The following MCU variants were observed in gnomAD, a reference collection of about 807,000 sequenced individuals.
MCU encodes the protein mitochondrial calcium uniporter.
A neutral mutation model predicts 45.2 loss-of-function variants in MCU; 12 were observed. The ratio of observed to expected loss-of-function variants is 0.27; its 90% confidence interval spans 0.17 to 0.43. MCU has a LOEUF of 0.43. Among genes scored for constraint, MCU ranks in the 20% least tolerant of loss-of-function variants. The pLI is 1.00. For missense variants in MCU, 324 were observed against 436.7 expected, an observed-to-expected ratio of 0.74 and a Z score of 2.30; for synonymous variants, 160 against 165.1, an observed-to-expected ratio of 0.97 and a Z score of 0.24.
chr10:72,694,730 G>A (rs1842665425), intron 1 of MCU, among the ~76,000 whole-genome samples: 1 of 152,186 alleles, frequency 6.6e-6, no homozygotes, highest in African/African-American at 2.4e-5. Flanking sequence ...CTTTTGTTCC[G>A]CTGTATGGTA....
chr10:72,818,841 C>CAA (rs199955521), intron 1 of MCU, among the ~76,000 whole-genome samples: 74 of 87,880 alleles, frequency 8.4e-4, no homozygotes, highest in African/African-American at 2.1e-3. Flanking sequence ...ACCTCTGTCT[C>CAA]AAAAAAAAAA....
In MCU at chr10:72,885,827, C is replaced by T; in HGVS notation, c.*5C>T. 1 of 1,611,226 alleles carries T rather than the reference C, an allele frequency of 6.2e-7. No homozygotes were observed. ...CAAATTGGTGAAAAAGATTGATCTG[C>T]AAAAAGCCTCTGAATCCTGGCAGAA... On this transcript the variant is annotated 3_prime_UTR_variant, in exon 8 of 8. Coordinates refer to ENST00000373053, the MANE Select transcript of MCU (RefSeq NM_138357.3).
intron 1 of MCU, among the ~76,000 whole-genome samples, chr10:72,747,590 G>C (rs1444231860): frequency 6.6e-6 from 1 of 152,144 alleles, no homozygotes; most frequent in Non-Finnish European, 1.5e-5. Flanking sequence ...CCAACACTTT[G>C]GGAAGCTGAG....
chr10:72,742,022 C>CAA lies in MCU; in HGVS notation c.150+49743_150+49744dup, dbSNP rs59028044. ...TGGGCGACAGAGCAAGACTCCGTCT[C>CAA]AAAAAAAAAAAAAAAAAAAAAAACA... On this transcript the variant is annotated intron_variant, in intron 1 of 7. Transcript: ENST00000373053. Among the ~76,000 whole-genome samples the CAA allele has an allele frequency of 4.9e-3, 352 of 72,574 alleles. 2 individuals carry two copies. The highest frequency in any genetic ancestry group is 0.029 in the East Asian group (39 of 1,334). 47.6% of individuals were successfully genotyped at this position (72,574 alleles called of 152,430 possible).
At chr10:72,828,321 G>A (rs139154949) in intron 1 of MCU, among the ~76,000 whole-genome samples, 25 of 152,302 alleles carry the variant, frequency 1.6e-4, no homozygotes, top group African/African-American at 6.0e-4. Flanking sequence ...TAGATACAGT[G>A]TTCCATCTAA....
chr10:72,840,636 A>G (rs1845034055), intron 2 of MCU, among the ~76,000 whole-genome samples: 1 of 152,342 alleles, frequency 6.6e-6, no homozygotes, highest in Admixed American at 6.5e-5. Flanking sequence ...CAAAAAAGAA[A>G]TGAAGCATTA....
At chr10:72,706,228 T>C (rs568230200) in intron 1 of MCU, among the ~76,000 whole-genome samples, 124 of 152,144 alleles carry the variant, frequency 8.2e-4, no homozygotes, top group African/African-American at 2.8e-3. Flanking sequence ...TATCTTTTTT[T>C]TTTTTTTAAG....
chr10:72,840,834 T>C (rs1391915993), intron 2 of MCU, among the ~76,000 whole-genome samples: 2 of 152,222 alleles, frequency 1.3e-5, no homozygotes, highest in East Asian at 1.9e-4. Flanking sequence ...TTTGAAACTT[T>C]ACCAAAATGT....
At chr10:72,740,559 C>T (rs1843313011) in intron 1 of MCU, among the ~76,000 whole-genome samples, 1 of 152,186 alleles carries the variant, frequency 6.6e-6, no homozygotes, top group South Asian at 2.1e-4. Context: ...ATGTCTTGAA[C>T]AATGAAGCTT....
intron 1 of MCU, among the ~76,000 whole-genome samples, chr10:72,771,934 C>G (rs1051731391): frequency 1.5e-4 from 23 of 152,134 alleles, no homozygotes; most frequent in African/African-American, 5.1e-4. Context: ...CCCATTCTAC[C>G]CAGGACAAAT....
chr10:72,791,185 A>G (rs201635670), intron 1 of MCU, among the ~76,000 whole-genome samples: 43 of 152,330 alleles, frequency 2.8e-4, no homozygotes, highest in African/African-American at 9.9e-4. Flanking sequence ...CAACAATTTC[A>G]AATTAATGAT....
At chr10:72,861,379 A>G (rs1845372583) in intron 4 of MCU, among the ~76,000 whole-genome samples, 1 of 151,968 alleles carries the variant, frequency 6.6e-6, no homozygotes, top group South Asian at 2.1e-4. Flanking sequence ...ACAAATTGTA[A>G]GAGGGCACCA....
intron 1 of MCU, among the ~76,000 whole-genome samples, chr10:72,764,732 A>G (rs2132727234): frequency 6.6e-6 from 1 of 152,294 alleles, no homozygotes; most frequent in South Asian, 2.1e-4. Flanking sequence ...CAGTCTACTC[A>G]GAGTAACTAA....
intron 1 of MCU, among the ~76,000 whole-genome samples, chr10:72,806,415 C>T (rs138272351): frequency 1.2e-4 from 19 of 152,294 alleles, no homozygotes; most frequent in African/African-American, 4.3e-4. Context: ...CCATCTTGGC[C>T]TCCCAAAGTG....
At chr10:72,780,200 A>G (rs1843968056) in intron 1 of MCU, among the ~76,000 whole-genome samples, 1 of 152,142 alleles carries the variant, frequency 6.6e-6, no homozygotes, top group Non-Finnish European at 1.5e-5. Context: ...ATTTGTTTGA[A>G]ATGTCCAGAA....
chr10:72,808,551 C>T (rs1844489796), intron 1 of MCU, among the ~76,000 whole-genome samples: 2 of 152,118 alleles, frequency 1.3e-5, no homozygotes, highest in South Asian at 4.1e-4. Context: ...CCTTTCAGTA[C>T]CTTGAGGGAG....
chr10:72,722,821 A>T (rs1589432453), intron 1 of MCU, among the ~76,000 whole-genome samples: 1 of 152,336 alleles, frequency 6.6e-6, no homozygotes, highest in Non-Finnish European at 1.5e-5. Flanking sequence ...TCTTTTCTCA[A>T]GACTACTGGA....
chr10:72,728,722 A>G (rs927999220), intron 1 of MCU, among the ~76,000 whole-genome samples: 1 of 152,186 alleles, frequency 6.6e-6, no homozygotes, highest in South Asian at 2.1e-4. Flanking sequence ...CTATTTTAAC[A>G]TAGTTTGAGG....
rs185324786 is a variant in MCU at position 72,733,327 on chromosome 10, C to T, written c.150+41026C>T. 2.6e-5 allele frequency among the ~76,000 whole-genome samples: 4 copies of T among 152,170 alleles called. No homozygotes were observed. The East Asian group carries it at 5.8e-4, about 22-fold the overall frequency. On this transcript the variant is annotated intron_variant, in intron 1 of 7. Coordinates refer to ENST00000373053, the MANE Select transcript of MCU (RefSeq NM_138357.3). ...CAAAAATTAGCTGGGTGTGGTGGCACGTGCCTGTAATCCCAGTTACTTGGG... is the reference window on the plus strand; with the variant it reads ...CAAAAATTAGCTGGGTGTGGTGGCATGTGCCTGTAATCCCAGTTACTTGGG...
Sources: gnomAD v4.1 joint callset for allele counts (sites outside exome capture counted in the v4.1 genomes callset) on GRCh38, gnomAD v4.1.1 for gene constraint, MANE v1.5 for transcripts, NCBI Gene and HGNC (gene_info 2026-07-23, HGNC 2026-07-21) for gene names.